The following GPHN variants were observed in gnomAD, a reference collection of about 807,000 sequenced individuals.
The protein encoded by GPHN is gephyrin.
GPHN carries 17 observed loss-of-function variants against 95.5 expected under a neutral mutation model. The observed-to-expected ratio is 0.18, with a 90% CI of 0.12 to 0.27. The LOEUF (loss-of-function observed/expected upper bound fraction) is 0.27. Ranked by LOEUF, GPHN falls within the 10% of genes least tolerant of loss-of-function variation. The pLI is 1.00. For missense variants in GPHN, 660 were observed against 978.1 expected (o/e 0.67, Z 4.34); for synonymous variants, 320 against 322.5 (o/e 0.99, Z 0.08).
intron 1 of GPHN, among the ~76,000 whole-genome samples, chr14:66,658,049 T>C (rs2065408449): frequency 6.6e-6 from 1 of 152,166 alleles, no homozygotes; most frequent in Non-Finnish European, 1.5e-5. Context: ...TAATGATTCA[T>C]GGAGGGAGTT....
chr14:66,514,864 A>T (rs2058178599), intron 1 of GPHN, among the ~76,000 whole-genome samples: 1 of 152,012 alleles, frequency 6.6e-6, no homozygotes, highest in East Asian at 1.9e-4. Flanking sequence ...TATACCCTGT[A>T]ATCTATATGT....
the GPHN span, chr14:67,559,828 C>T: frequency 1.6e-6 from 1 of 637,462 alleles, no homozygotes; most frequent in East Asian, 2.8e-5. Context: ...TGCATTCAGC[C>T]TCCATGCTGA....
chr14:67,607,229 T>C, the GPHN span, among the ~76,000 whole-genome samples: 1 of 152,222 alleles, frequency 6.6e-6, no homozygotes, highest in Admixed American at 6.5e-5. Flanking sequence ...TAACTCTTAA[T>C]ACTGGATTCT....
chr14:67,080,631 T>G (rs1375273703), intron 11 of GPHN, among the ~76,000 whole-genome samples: 3 of 152,154 alleles, frequency 2.0e-5, no homozygotes, highest in Non-Finnish European at 4.4e-5. Flanking sequence ...TTCCATAGGT[T>G]ATTAGGGAAC....
intron 1 of GPHN, among the ~76,000 whole-genome samples, chr14:66,548,661 A>G (rs1280251430): frequency 6.6e-6 from 1 of 152,222 alleles, no homozygotes; most frequent in Admixed American, 6.5e-5. Flanking sequence ...GCCAGATAAT[A>G]ATCCTACAGT....
At chr14:66,573,646 G>A (rs758129183) in intron 1 of GPHN, among the ~76,000 whole-genome samples, 44 of 151,976 alleles carry the variant, frequency 2.9e-4, no homozygotes, top group Admixed American at 5.2e-4. Context: ...TGGTAGAGAC[G>A]GGGTTTCACC....
intron 12 of GPHN, among the ~76,000 whole-genome samples, chr14:67,096,597 C>T (rs1241291783): frequency 6.7e-6 from 1 of 150,324 alleles, no homozygotes; most frequent in Admixed American, 6.6e-5. Context: ...CTAAGTTATA[C>T]AGAATTAATC....
At chr14:67,338,667 G>C in the GPHN span, 1 of 1,614,118 alleles carries the variant, frequency 6.2e-7, no homozygotes, top group South Asian at 1.1e-5. Context: ...CAGAAGATTA[G>C]CAGGCTCCAA....
chr14:66,929,098 C>G (rs1028088423), intron 8 of GPHN, among the ~76,000 whole-genome samples: 1 of 147,276 alleles, frequency 6.8e-6, no homozygotes, highest in African/African-American at 2.5e-5. Context: ...CTTTGTTGCC[C>G]AAGCTAGAGT....
chr14:67,216,984 A>G, the GPHN span, among the ~76,000 whole-genome samples: 1 of 152,130 alleles, frequency 6.6e-6, no homozygotes, highest in Non-Finnish European at 1.5e-5. Context: ...TGTCTAGATG[A>G]TTTGTCCAAG....
intron 4 of GPHN, among the ~76,000 whole-genome samples, chr14:66,842,085 C>CA (rs892938721): frequency 2.0e-5 from 3 of 148,988 alleles, no homozygotes; most frequent in Admixed American, 6.7e-5. Context: ...CAGCCCCGCC[C>CA]AAAAAAAGTA....
intron 2 of GPHN, among the ~76,000 whole-genome samples, chr14:66,710,665 G>T (rs1429127454): frequency 6.6e-6 from 1 of 152,088 alleles, no homozygotes; most frequent in Non-Finnish European, 1.5e-5. Flanking sequence ...GGAAATAATC[G>T]AGATGAAAGA....
At chr14:67,177,221 A>G (rs1412561026) in intron 21 of GPHN, among the ~76,000 whole-genome samples, 5 of 152,324 alleles carry the variant, frequency 3.3e-5, no homozygotes, top group African/African-American at 1.2e-4. Flanking sequence ...ATTTAGTGCT[A>G]TAAATTTCCC....
chr14:66,873,554 T>C (rs1455509538), intron 4 of GPHN, among the ~76,000 whole-genome samples: 1 of 152,120 alleles, frequency 6.6e-6, no homozygotes, highest in Admixed American at 6.5e-5. Context: ...GAAGTCGACC[T>C]GGGGCACTCC....
chr14:66,904,842 T>C (rs1026484600), intron 5 of GPHN, among the ~76,000 whole-genome samples: 1 of 152,162 alleles, frequency 6.6e-6, no homozygotes, highest in Admixed American at 6.6e-5. Context: ...ATCTTACTGC[T>C]TTTAGGATTC....
intron 16 of GPHN, among the ~76,000 whole-genome samples, chr14:67,113,580 G>C (rs1447355387): frequency 1.3e-5 from 2 of 152,140 alleles, no homozygotes; most frequent in Non-Finnish European, 2.9e-5. Flanking sequence ...AAGTATCAAT[G>C]AATCAGGACA....
chr14:67,077,877 C>A (rs1160634870), intron 11 of GPHN, among the ~76,000 whole-genome samples: 1 of 152,144 alleles, frequency 6.6e-6, no homozygotes, highest in Non-Finnish European at 1.5e-5. Flanking sequence ...TTTTTCCACT[C>A]TTTCTTCTTG....
At chr14:67,685,138 G>C in the GPHN span, 1 of 1,614,086 alleles carries the variant, frequency 6.2e-7, no homozygotes. Context: ...TCTCATGAAA[G>C]ATGAGTGCCG....
the GPHN span, among the ~76,000 whole-genome samples, chr14:67,550,110 G>A: frequency 6.7e-6 from 1 of 148,732 alleles, no homozygotes; most frequent in South Asian, 2.1e-4. Flanking sequence ...TGTATTTTAT[G>A]TATTTGGAAA....
Sources: allele counts gnomAD v4.1 joint callset (sites outside exome capture counted in the v4.1 genomes callset), GRCh38; gene constraint gnomAD v4.1.1; transcripts MANE v1.5; gene names NCBI Gene and HGNC (gene_info 2026-07-23, HGNC 2026-07-21).